CPNE5: variants seen among roughly 807,000 people sequenced by gnomAD.
CPNE5 encodes copine-5.
CPNE5 carries 42 observed loss-of-function variants against 81.1 expected under a neutral mutation model. The observed-to-expected ratio is 0.52, with a 90% CI of 0.40 to 0.67. The LOEUF is 0.67. CPNE5 is among the 30% of genes least tolerant of loss of function. The pLI is 0.00. For missense variants in CPNE5, 612 were observed against 815.5 expected (o/e 0.75, Z 3.04); for synonymous variants, 313 against 321.5 (o/e 0.97, Z 0.28).
Position 36,839,190 on chromosome 6 carries a change from G to T in CPNE5, c.95+93C>A. ...CTGGAGACCAGGACACTCTGGGAAGGGGGCGCGCGGAGGTTTAGGATCGAA... is the reference window on the plus strand; with the variant it reads ...CTGGAGACCAGGACACTCTGGGAAGTGGGCGCGCGGAGGTTTAGGATCGAA... On this transcript the variant is annotated intron_variant, in intron 1 of 20. Transcript: ENST00000244751. This position sits in a 1 kb window ranked among gnomAD's most constrained non-coding sequence, Gnocchi z 7.3. 2.2e-6 allele frequency: 2 copies of T among 902,958 alleles called. No homozygotes were observed. Among genetic ancestry groups the T allele is most frequent in the Admixed American group, 2.8e-5 (1 of 36,068 alleles). 55.9% of individuals were successfully genotyped at this position (902,958 alleles called of 1,614,324 possible).
intron 1 of CPNE5, among the ~76,000 whole-genome samples, chr6:36,833,234 C>T (rs1281485681): frequency 6.6e-6 from 1 of 152,206 alleles, no homozygotes; most frequent in East Asian, 1.9e-4. Flanking sequence ...GTCCCTTCAC[C>T]TCTCTGAGCC....
intron 3 of CPNE5, among the ~76,000 whole-genome samples, chr6:36,811,446 T>C (rs1484287225): frequency 1.3e-5 from 2 of 152,242 alleles, no homozygotes; most frequent in Non-Finnish European, 2.9e-5. Flanking sequence ...GCTTATTTAC[T>C]CCTCACAGTA....
At chr6:36,749,903 C>G (rs1478666944) in intron 14 of CPNE5, among the ~76,000 whole-genome samples, 1 of 152,224 alleles carries the variant, frequency 6.6e-6, no homozygotes, top group African/African-American at 2.4e-5. Flanking sequence ...TCTAGGTTCT[C>G]TGCCGGGTCC....
At chr6:36,774,914 G>T in intron 10 of CPNE5, 47 bp downstream of exon 10, 1 of 1,437,522 alleles carries the variant, frequency 7.0e-7, no homozygotes, top group South Asian at 1.2e-5. Flanking sequence ...TGCTTGGGGA[G>T]GGCCCAGAAG....
chr6:36,838,775 C>T (rs1186866443), intron 1 of CPNE5: 13 of 983,198 alleles, frequency 1.3e-5, no homozygotes, highest in Non-Finnish European at 1.4e-5. Flanking sequence ...GCTTTAAAAT[C>T]CTAGAGTCTA....
chr6:36,819,163 C>T (rs2060398213), intron 3 of CPNE5, among the ~76,000 whole-genome samples: 1 of 152,176 alleles, frequency 6.6e-6, no homozygotes, highest in Non-Finnish European at 1.5e-5. Context: ...AGTGCAGTGG[C>T]ACGATCTCAG....
rs550878155 is a variant in CPNE5, at chr6:36,759,767, C to G, written c.855+3150G>C. Among the ~76,000 whole-genome samples, 11 of 152,020 alleles carry G rather than the reference C, an allele frequency of 7.2e-5. No homozygotes were observed. The South Asian group carries it at 1.9e-3, about 26-fold the overall frequency. On this transcript the variant is annotated intron_variant, in intron 12 of 20. Coordinates refer to ENST00000244751, the MANE Select transcript of CPNE5 (RefSeq NM_020939.2). The stretch of plus-strand genomic sequence containing the variant: ...AGAGGGAGTCTCAGGTGGAGGCACC[C>G]ATATGAATCGAGCCCTGGAGGCTGA...
At position 36,741,221 on chromosome 6, in the gene CPNE5, G is replaced by A. The variant is rs1011733113; in HGVS notation, c.*1047C>T. The A allele has an allele frequency of 1.1e-4, 16 of 152,304 alleles. No homozygotes were observed. The highest frequency in any genetic ancestry group is 4.4e-5 in the Non-Finnish European group (3 of 68,072). 9.4% of individuals were successfully genotyped at this position (152,304 alleles called of 1,614,324 possible). A position where few individuals can be genotyped will look rare whatever the true frequency, so the allele number is the denominator to read the frequency against. On this transcript the variant is annotated 3_prime_UTR_variant, in exon 21 of 21. Coordinates refer to ENST00000244751, the MANE Select transcript of CPNE5 (RefSeq NM_020939.2). ...GAGTAGGATGGGGGGAACTGGGCAT[G>A]GGATGAATGACCCTCAGGATGTCAG...
intron 3 of CPNE5, among the ~76,000 whole-genome samples, chr6:36,806,054 T>C (rs1211420879): frequency 6.6e-6 from 1 of 152,158 alleles, no homozygotes; most frequent in Non-Finnish European, 1.5e-5. Context: ...GAACCCAGGT[T>C]GGGCAAGCAA....
chr6:36,766,973 C>T lies in CPNE5; in HGVS notation c.738-1597G>A, dbSNP rs1188921262. ...GGATTCAACTGATTCTCCTGCCTCACCCTCCCAAGTGTCTGGGATTACAGG... is the reference window on the plus strand; with the variant it reads ...GGATTCAACTGATTCTCCTGCCTCATCCTCCCAAGTGTCTGGGATTACAGG... On this transcript the variant is annotated intron_variant, in intron 10 of 20. Transcript: ENST00000244751. The surrounding 1 kb of genome is among the most constrained non-coding windows in gnomAD (Gnocchi z 4.2). Among the ~76,000 whole-genome samples the T allele has an allele frequency of 2.0e-5, 3 of 152,138 alleles. No individual in the cohort carries two copies. Among genetic ancestry groups the T allele is most frequent in the African/African-American group, 7.2e-5 (3 of 41,406 alleles).
chr6:36,822,028 T>G, intron 3 of CPNE5, 86 bp downstream of exon 3: 1 of 1,271,654 alleles, frequency 7.9e-7, no homozygotes, highest in Non-Finnish European at 1.1e-6. Context: ...GTTAGAAACA[T>G]GTCAGGGAAA....
chr6:36,831,202 A>G (rs1194023139), intron 1 of CPNE5, among the ~76,000 whole-genome samples: 2 of 148,638 alleles, frequency 1.3e-5, no homozygotes, highest in Non-Finnish European at 3.0e-5. Context: ...TTACAGGCAC[A>G]TACCACCACA....
Position 36,775,753 on chromosome 6 carries a change from A to G in CPNE5, c.633-688T>C, listed in dbSNP as rs1432870622. Among the ~76,000 whole-genome samples the G allele has an allele frequency of 2.6e-5, 4 of 151,108 alleles. No individual in the cohort carries two copies. The East Asian group carries it at 7.8e-4, about 29-fold the overall frequency. On this transcript the variant is annotated intron_variant, in intron 9 of 20. Transcript: ENST00000244751. ...ACCATTTGACATTTTGATATAGTCT[A>G]TTTTTTCCTTATTTATTCTGCTCAT... is the stretch of plus-strand genomic sequence containing the variant.
At chr6:36,748,357 C>CAAGCAGCAGAGCCAGGG in intron 14 of CPNE5, 90 bp from the exon 15 acceptor site, 3 of 1,171,392 alleles carry the variant, frequency 2.6e-6, no homozygotes, top group Non-Finnish European at 3.8e-6. Context: ...ACCACCCTGG[C>CAAGCAGCAGAGCCAGGG]TCTGCTGCTT....
chr6:36,783,665 C>T (rs958822855), intron 8 of CPNE5, among the ~76,000 whole-genome samples: 6 of 152,098 alleles, frequency 3.9e-5, no homozygotes, highest in African/African-American at 9.7e-5. Flanking sequence ...CACCATGCCC[C>T]ATGCCCAGCT....
At chr6:36,788,410 C>T (rs563478317) in intron 8 of CPNE5, among the ~76,000 whole-genome samples, 3 of 152,208 alleles carry the variant, frequency 2.0e-5, no homozygotes, top group Non-Finnish European at 4.4e-5. Context: ...GGTGACTGTT[C>T]CCTGTACCGT....
chr6:36,817,782 G>A (rs1377958589), intron 3 of CPNE5, among the ~76,000 whole-genome samples: 1 of 152,188 alleles, frequency 6.6e-6, no homozygotes, highest in East Asian at 1.9e-4. Flanking sequence ...GACGGGAAGA[G>A]ACTGAGGTTG....
chr6:36,811,143 C>T (rs1002752391), intron 3 of CPNE5, among the ~76,000 whole-genome samples: 1 of 152,196 alleles, frequency 6.6e-6, no homozygotes, highest in Admixed American at 6.5e-5. Context: ...AAACACTCTC[C>T]ACCACCTTGT....
In CPNE5 at chr6:36,746,079, A is replaced by G. The variant is rs1282283362; in HGVS notation, c.1200+317T>C. 1.8e-5 allele frequency: 14 copies of G among 782,838 alleles called. No homozygotes were observed. Among genetic ancestry groups the G allele is most frequent in the African/African-American group, 3.8e-5 (2 of 52,994 alleles). 48.5% of individuals were successfully genotyped at this position (782,838 alleles called of 1,614,324 possible). A position where few individuals can be genotyped will look rare whatever the true frequency, so the allele number is the denominator to read the frequency against. On this transcript the variant is annotated intron_variant, in intron 16 of 20. Coordinates refer to ENST00000244751, the MANE Select transcript of CPNE5 (RefSeq NM_020939.2). The surrounding 1 kb of genome is among the most constrained non-coding windows in gnomAD (Gnocchi z 4.5). ...ACTGACTCAGGGATACCCAACCCAC[A>G]CCACCTTGTTCACTTTTCTGGGGCC...
Sources: gnomAD v4.1 joint callset for allele counts (sites outside exome capture counted in the v4.1 genomes callset) on GRCh38, gnomAD v4.1.1 for gene constraint, Gnocchi (gnomAD v3.1) non-coding constraint, MANE v1.5 for transcripts, NCBI Gene and HGNC (gene_info 2026-07-23, HGNC 2026-07-21) for gene names.